SLC36A1: variants seen among roughly 807,000 people sequenced by gnomAD.
The protein encoded by SLC36A1 is proton-coupled amino acid transporter 1.
In SLC36A1, 30 loss-of-function variants were observed where a neutral mutation model predicts 47.5. The ratio of observed to expected loss-of-function variants is 0.63; its 90% CI spans 0.47 to 0.86. The LOEUF (loss-of-function observed/expected upper bound fraction) is 0.86, where lower values mean the gene tolerates loss of function less well. SLC36A1 is among the 40% of genes least tolerant of loss of function. The pLI, the probability that SLC36A1 is intolerant of heterozygous loss-of-function variation, is 0.00. For synonymous variants in SLC36A1, 255 were observed against 249.7 expected, an observed-to-expected ratio of 1.02 and a Z score of -0.20; for missense variants, 517 against 606.0, an observed-to-expected ratio of 0.85 and a Z score of 1.54.
In SLC36A1 at chr5:151,480,134, T is replaced by A. The variant is rs1231469698; in HGVS notation, c.1159+645T>A. The A allele has an allele frequency of 3.5e-6, 5 of 1,419,896 alleles. No individual in the cohort carries two copies. In the South Asian group the frequency reaches 7.3e-5, roughly 21 times the overall value. The allele number at this position is 1,419,896 out of a possible 1,614,324, so 88.0% of individuals were successfully genotyped here. On this transcript the variant is annotated intron_variant, in intron 10 of 10. Coordinates refer to ENST00000243389, the MANE Select transcript of SLC36A1 (RefSeq NM_078483.4). ...GTGACATTTAGAAAATAAAAGTAAATTTTTTTTGTAGCTTCTGTGAGTTGG... is the reference window on the plus strand; with the variant it reads ...GTGACATTTAGAAAATAAAAGTAAAATTTTTTTGTAGCTTCTGTGAGTTGG...
At chr5:151,507,506 G>C in the SLC36A1 span, 1 of 1,614,054 alleles carries the variant, frequency 6.2e-7, no homozygotes, top group Non-Finnish European at 8.5e-7. Flanking sequence ...TGAACGCCAC[G>C]GCCACTGTGA....
the SLC36A1 span, chr5:151,382,385 A>T: frequency 0.42 from 298,263 of 706,120 alleles, 67,985 homozygotes; most frequent in African/African-American, 0.75. Flanking sequence ...ATGCCTTTTG[A>T]TGAGAATGCC....
At chr5:151,545,446 A>G in the SLC36A1 span, 1 of 1,614,174 alleles carries the variant, frequency 6.2e-7, no homozygotes, top group East Asian at 2.2e-5. Context: ...GCTGGCCCGC[A>G]CCATGAGAAG....
intron 1 of SLC36A1, among the ~76,000 whole-genome samples, chr5:151,451,875 A>G (rs1238085919): frequency 6.6e-6 from 1 of 151,982 alleles, no homozygotes; most frequent in East Asian, 1.9e-4. Context: ...GAGGGTATAT[A>G]ATTTAAGGTG....
chr5:151,476,780 C>T, intron 9 of SLC36A1, 24 bp downstream of exon 9: 1 of 1,610,380 alleles, frequency 6.2e-7, no homozygotes, highest in Non-Finnish European at 8.5e-7. Context: ...GGATGGAAAC[C>T]TAGGAGCACT....
At chr5:151,424,157 C>T in the SLC36A1 span, among the ~76,000 whole-genome samples, 1 of 152,186 alleles carries the variant, frequency 6.6e-6, no homozygotes, top group Non-Finnish European at 1.5e-5. Flanking sequence ...GAAACAGCCT[C>T]TCATTGCCTG....
At chr5:151,531,911 C>A in the SLC36A1 span, 1 of 1,614,210 alleles carries the variant, frequency 6.2e-7, no homozygotes, top group East Asian at 2.2e-5. The surrounding 1 kb of genome is among the most constrained non-coding windows in gnomAD (Gnocchi z 5.7). Flanking sequence ...GTGGTGGCGT[C>A]GATGGAAAAG....
the SLC36A1 span, chr5:151,545,836 AC>A: frequency 1.2e-6 from 2 of 1,614,252 alleles, no homozygotes; most frequent in Non-Finnish European, 1.7e-6. Context: ...AATTTGGCCC[AC>A]AAAAGTTGAC....
chr5:151,531,451 A>C, the SLC36A1 span: 2 of 1,217,148 alleles, frequency 1.6e-6, no homozygotes, highest in Non-Finnish European at 2.3e-6. The surrounding 1 kb of genome is among the most constrained non-coding windows in gnomAD (Gnocchi z 5.7). Flanking sequence ...GAGAAGCAGA[A>C]GAGAATGGAG....
chr5:151,551,445 G>A, the SLC36A1 span: 1 of 1,612,274 alleles, frequency 6.2e-7, no homozygotes, highest in South Asian at 1.1e-5. Flanking sequence ...CAATACAGGG[G>A]TCCCCAGCCG....
the SLC36A1 span, among the ~76,000 whole-genome samples, chr5:151,506,714 T>G: frequency 6.6e-6 from 1 of 152,244 alleles, no homozygotes; most frequent in Non-Finnish European, 1.5e-5. Context: ...CACCCCCTTT[T>G]GAGCCAAAGA....
downstream of SLC36A1, among the ~76,000 whole-genome samples, chr5:151,494,561 T>C (rs891577692): frequency 8.5e-5 from 13 of 152,226 alleles, no homozygotes; most frequent in African/African-American, 2.7e-4. Flanking sequence ...TATGTAGCCC[T>C]TTGTGTCTGG....
chr5:151,454,446 A>G (rs1754166981), intron 1 of SLC36A1, among the ~76,000 whole-genome samples: 1 of 151,912 alleles, frequency 6.6e-6, no homozygotes, highest in Non-Finnish European at 1.5e-5. Flanking sequence ...CATAGAAAGA[A>G]CTCCGGGGAG....
At chr5:151,506,655 T>TATCA in the SLC36A1 span, among the ~76,000 whole-genome samples, 1 of 152,264 alleles carries the variant, frequency 6.6e-6, no homozygotes, top group Non-Finnish European at 1.5e-5. Context: ...TGAAAATACC[T>TATCA]ATCATAACTG....
At chr5:151,550,798 A>G in the SLC36A1 span, 23 of 1,613,872 alleles carry the variant, frequency 1.4e-5, no homozygotes, top group Non-Finnish European at 1.9e-5. Context: ...GTCCTGGGGA[A>G]CTCTGACTTC....
the SLC36A1 span, chr5:151,543,421 C>A: frequency 6.2e-7 from 1 of 1,614,060 alleles, no homozygotes. Flanking sequence ...CTTCACCGTG[C>A]AGAAGGCTAC....
chr5:151,476,471 G>A (rs2127524530), intron 8 of SLC36A1, 119 bp from the exon 9 acceptor site: 1 of 764,634 alleles, frequency 1.3e-6, no homozygotes, highest in Non-Finnish European at 2.1e-6. Flanking sequence ...AAGAGCAGAT[G>A]TGCTTCTGGA....
the SLC36A1 span, among the ~76,000 whole-genome samples, chr5:151,540,021 G>C: frequency 6.6e-6 from 1 of 152,254 alleles, no homozygotes; most frequent in Non-Finnish European, 1.5e-5. Flanking sequence ...TCAGGTCTCT[G>C]TTGGTGTATT....
downstream of SLC36A1, among the ~76,000 whole-genome samples, chr5:151,494,449 C>T (rs577666569): frequency 6.6e-6 from 1 of 152,314 alleles, no homozygotes; most frequent in South Asian, 2.1e-4. Flanking sequence ...TGCCCCTTTG[C>T]AATCAATCCC....
Sources: allele counts gnomAD v4.1 joint callset (sites outside exome capture counted in the v4.1 genomes callset), GRCh38; gene constraint gnomAD v4.1.1; non-coding constraint Gnocchi (gnomAD v3.1); transcripts MANE v1.5; gene names NCBI Gene and HGNC (gene_info 2026-07-23, HGNC 2026-07-21).